The following DHRSX variants were observed in gnomAD, a reference collection of about 807,000 sequenced individuals.
The protein encoded by DHRSX is polyprenol dehydrogenase.
DHRSX carries 31 observed loss-of-function variants against 34.0 expected under a neutral mutation model. That is an observed-to-expected ratio of 0.91 (90% CI 0.69 to 1.23). The LOEUF is 1.23. Among genes scored for constraint, DHRSX ranks in the 50% most tolerant of loss-of-function variants. The probability of loss-of-function intolerance (pLI) is 0.00; values close to 1 mark genes in which losing one functional copy is unlikely to be tolerated. For missense variants in DHRSX, 414 were observed against 428.1 expected (o/e 0.97, Z 0.29); for synonymous variants, 201 against 183.8 (o/e 1.09, Z -0.76).
intron 3 of DHRSX, among the ~76,000 whole-genome samples, chrX:2,314,343 A>AGGGAGGGAG (rs1569487225): frequency 4.2e-4 from 1 of 2,360 alleles, no homozygotes. Context: ...AGGGAGGGAA[A>AGGGAGGGAG]GGAGGGAGGG....
At chrX:2,251,576 A>G (rs1317437862) in intron 5 of DHRSX, among the ~76,000 whole-genome samples, 2 of 152,150 alleles carry the variant, frequency 1.3e-5, no homozygotes, top group African/African-American at 4.8e-5. Context: ...AGTAGGGCGG[A>G]CGCATCAAGT....
chrX:2,434,416 C>A (rs1478823229), intron 1 of DHRSX, among the ~76,000 whole-genome samples: 2 of 152,148 alleles, frequency 1.3e-5, no homozygotes, highest in African/African-American at 4.8e-5. Context: ...TGCCTGTAAT[C>A]CCAACACTTT....
intron 6 of DHRSX, among the ~76,000 whole-genome samples, chrX:2,221,762 G>A (rs1346268323): frequency 6.6e-6 from 1 of 152,072 alleles, no homozygotes; most frequent in African/African-American, 2.4e-5. Context: ...TGCAGAAAAA[G>A]GTTTTTCAAA....
chrX:2,422,470 C>G (rs1357978863), intron 2 of DHRSX, among the ~76,000 whole-genome samples: 4 of 151,932 alleles, frequency 2.6e-5, no homozygotes, highest in Non-Finnish European at 4.4e-5. Flanking sequence ...ACCATGTTAG[C>G]CAGGATGGTC....
chrX:2,430,312 T>G (rs2043902404), intron 1 of DHRSX, among the ~76,000 whole-genome samples: 1 of 150,914 alleles, frequency 6.6e-6, no homozygotes, highest in Non-Finnish European at 1.5e-5. Context: ...GCTGCATTTG[T>G]AACTTTAGCT....
At chrX:2,422,956 C>G (rs1482064865) in intron 2 of DHRSX, among the ~76,000 whole-genome samples, 2 of 151,886 alleles carry the variant, frequency 1.3e-5, no homozygotes, top group African/African-American at 4.8e-5. Context: ...GCACTCACCC[C>G]CAAGCCCAGC....
At chrX:2,236,005 G>A (rs1400602848) in intron 6 of DHRSX, among the ~76,000 whole-genome samples, 7 of 151,818 alleles carry the variant, frequency 4.6e-5, no homozygotes, top group African/African-American at 1.7e-4. Context: ...CCAGCTACTC[G>A]GGAGGCTGAG....
At chrX:2,435,467 A>T (rs1016095955) in intron 1 of DHRSX, among the ~76,000 whole-genome samples, 24 of 152,112 alleles carry the variant, frequency 1.6e-4, no homozygotes, top group Non-Finnish European at 3.2e-4. Context: ...ATTGGAAAAA[A>T]AAAAAAAAAG....
intron 3 of DHRSX, among the ~76,000 whole-genome samples, chrX:2,307,792 A>AAAT (rs2042117094): frequency 1.4e-5 from 2 of 139,188 alleles, no homozygotes; most frequent in South Asian, 2.1e-4. Context: ...ATAAAAATAA[A>AAAT]AAAAATAAAA....
At chrX:2,352,238 G>A (rs1252916805) in intron 3 of DHRSX, among the ~76,000 whole-genome samples, 2 of 152,106 alleles carry the variant, frequency 1.3e-5, no homozygotes, top group East Asian at 1.9e-4. Context: ...GGTATCCCAA[G>A]ATGTTCAGTA....
chrX:2,422,557 G>A (rs1164019162), intron 2 of DHRSX, among the ~76,000 whole-genome samples: 2 of 151,830 alleles, frequency 1.3e-5, no homozygotes, highest in African/African-American at 2.4e-5. Context: ...CACTGCTCCC[G>A]TCCTGGAAAG....
intron 3 of DHRSX, among the ~76,000 whole-genome samples, chrX:2,378,339 G>A (rs2043165418): frequency 6.6e-6 from 1 of 152,142 alleles, no homozygotes; most frequent in South Asian, 2.1e-4. Flanking sequence ...AAAATATTGA[G>A]CCTCCCCTAT....
chrX:2,234,988 G>A (rs1368059366), intron 6 of DHRSX, among the ~76,000 whole-genome samples: 7 of 152,218 alleles, frequency 4.6e-5, no homozygotes, highest in Non-Finnish European at 7.3e-5. Context: ...TGGGATTACA[G>A]GCATGATCCA....
intron 3 of DHRSX, among the ~76,000 whole-genome samples, chrX:2,348,937 G>T (rs539414594): frequency 6.6e-6 from 1 of 151,794 alleles, no homozygotes; most frequent in East Asian, 1.9e-4. Context: ...CAGGTGCTCC[G>T]CTTGCCTCAG....
chrX:2,227,330 G>C (rs1164886241), intron 6 of DHRSX, among the ~76,000 whole-genome samples: 1 of 151,352 alleles, frequency 6.6e-6, no homozygotes, highest in Non-Finnish European at 1.5e-5. Flanking sequence ...TCAATGGAAG[G>C]AAGAAAGAGA....
chrX:2,490,895 C>T (rs1289331230), intron 1 of DHRSX: 20 of 815,112 alleles, frequency 2.5e-5, no homozygotes, highest in Non-Finnish European at 3.7e-5. Context: ...TGGGGCCGGA[C>T]GGCTGGACCT....
At chrX:2,261,979 G>A (rs764361620) in intron 5 of DHRSX, among the ~76,000 whole-genome samples, 4 of 152,122 alleles carry the variant, frequency 2.6e-5, no homozygotes, top group African/African-American at 4.8e-5. Flanking sequence ...TCAGTGAGTC[G>A]TGTCTGCAGC....
intron 3 of DHRSX, among the ~76,000 whole-genome samples, chrX:2,326,032 A>G (rs1380811596): frequency 1.4e-4 from 22 of 152,224 alleles, no homozygotes; most frequent in Admixed American, 1.4e-3. Context: ...AGAGCAGAAC[A>G]TACTGAAAAT....
intron 4 of DHRSX, among the ~76,000 whole-genome samples, chrX:2,271,016 A>C (rs1374087111): frequency 6.6e-6 from 1 of 152,162 alleles, no homozygotes; most frequent in Non-Finnish European, 1.5e-5. Context: ...AGGGAATAAA[A>C]GCTGGCCACC....
Sources: allele counts gnomAD v4.1 joint callset (sites outside exome capture counted in the v4.1 genomes callset), GRCh38; gene constraint gnomAD v4.1.1; transcripts MANE v1.5; gene names NCBI Gene and HGNC (gene_info 2026-07-23, HGNC 2026-07-21).